Variants in MYO18B observed in about 807,000 individuals in gnomAD.
The protein encoded by MYO18B is myosin XVIIIB, also known as unconventional myosin-XVIIIb.
Under a neutral mutation model 273.0 loss-of-function variants are expected in MYO18B, and 204 were observed. The ratio of observed to expected loss-of-function variants is 0.75; its 90% confidence interval spans 0.67 to 0.84. The LOEUF (loss-of-function observed/expected upper bound fraction) is 0.84. Ranked by LOEUF, MYO18B falls within the 40% of genes least tolerant of loss-of-function variation. The pLI, the probability that MYO18B is intolerant of heterozygous loss-of-function variation, is 0.00. For missense variants in MYO18B, 3,212 were observed against 3,287.6 expected, an observed-to-expected ratio of 0.98 and a Z score of 0.56; for synonymous variants, 1,330 against 1,305.7, an observed-to-expected ratio of 1.02 and a Z score of -0.40.
At chr22:25,799,131 T>TTGTGTGTGTGTG (rs61488241) in intron 12 of MYO18B, among the ~76,000 whole-genome samples, 5,931 of 145,170 alleles carry the variant, frequency 0.041, 184 homozygotes, top group East Asian at 0.073. Context: ...GTGTTTACGT[T>TTGTGTGTGTGTG]TGTGTGTGTG....
chr22:25,831,200 T>C (rs1190585070), intron 15 of MYO18B, among the ~76,000 whole-genome samples: 1 of 152,192 alleles, frequency 6.6e-6, no homozygotes, highest in Admixed American at 6.5e-5. Context: ...CCTCACAGTA[T>C]TACATTATTC....
chr22:25,868,790 G>T (rs1050116183), intron 22 of MYO18B, among the ~76,000 whole-genome samples: 1 of 152,198 alleles, frequency 6.6e-6, no homozygotes, highest in African/African-American at 2.4e-5. Flanking sequence ...CTGATGAGCA[G>T]CAGTAAGGGA....
rs2085648331 is a variant in MYO18B, at chr22:25,742,283, C to T, written c.-120C>T. ...TCGTGGTTCCTGTGATCTGTGTCCTCTTTGCAGAAGGTACTATTGGGCTGG... is the reference window on the plus strand; with the variant it reads ...TCGTGGTTCCTGTGATCTGTGTCCTTTTTGCAGAAGGTACTATTGGGCTGG... On this transcript the variant is annotated 5_prime_UTR_variant, in exon 1 of 44. Transcript: ENST00000335473. 2 of 152,248 alleles carry T rather than the reference C, an allele frequency of 1.3e-5. No individual in the cohort carries two copies. The highest frequency in any genetic ancestry group is 2.9e-5 in the Non-Finnish European group (2 of 68,110). 9.4% of individuals were successfully genotyped at this position (152,248 alleles called of 1,614,324 possible). A position where few individuals can be genotyped will look rare whatever the true frequency, so the allele number is the denominator to read the frequency against.
At chr22:25,788,203 G>C (rs2087484274) in intron 11 of MYO18B, among the ~76,000 whole-genome samples, 1 of 152,168 alleles carries the variant, frequency 6.6e-6, no homozygotes, top group African/African-American at 2.4e-5. Context: ...TGTTTTCTCT[G>C]TTCTTTCAGA....
chr22:25,868,820 G>A (rs902259871), intron 22 of MYO18B, among the ~76,000 whole-genome samples: 1 of 152,210 alleles, frequency 6.6e-6, no homozygotes, highest in Non-Finnish European at 1.5e-5. Context: ...AGGGGCTTGA[G>A]AGGAAAGCCC....
At chr22:26,014,725 CT>C (rs1569296085) in intron 42 of MYO18B, among the ~76,000 whole-genome samples, 1 of 152,226 alleles carries the variant, frequency 6.6e-6, no homozygotes, top group Non-Finnish European at 1.5e-5. Flanking sequence ...CAGCACCTGT[CT>C]TTTTTTGACT....
At chr22:25,919,212 G>C (rs2092305398) in intron 33 of MYO18B, among the ~76,000 whole-genome samples, 1 of 152,034 alleles carries the variant, frequency 6.6e-6, no homozygotes, top group Admixed American at 6.6e-5. Context: ...TTCCATCCCA[G>C]CCTGAGCTGG....
chr22:26,048,512 C>A, the MYO18B span, among the ~76,000 whole-genome samples: 1 of 152,096 alleles, frequency 6.6e-6, no homozygotes, highest in Admixed American at 6.6e-5. Context: ...CCTGTGGGGT[C>A]TTTCTCCATC....
chr22:25,907,013 A>G (rs1046630291), intron 31 of MYO18B, among the ~76,000 whole-genome samples: 1 of 152,204 alleles, frequency 6.6e-6, no homozygotes, highest in Non-Finnish European at 1.5e-5. Context: ...TGAGTTCCAA[A>G]TGCTTTTTCA....
At chr22:25,982,818 A>G (rs1438717666) in intron 39 of MYO18B, among the ~76,000 whole-genome samples, 1 of 152,200 alleles carries the variant, frequency 6.6e-6, no homozygotes, top group Non-Finnish European at 1.5e-5. Flanking sequence ...TTTGCCATAC[A>G]AGGGAACGGA....
chr22:25,871,609 T>C (rs978111107), intron 22 of MYO18B, among the ~76,000 whole-genome samples: 2 of 152,198 alleles, frequency 1.3e-5, no homozygotes, highest in African/African-American at 4.8e-5. Context: ...TGTTACACTC[T>C]GTTTGCATCC....
At chr22:25,805,351 G>A (rs368092779) in intron 12 of MYO18B, among the ~76,000 whole-genome samples, 1 of 152,192 alleles carries the variant, frequency 6.6e-6, no homozygotes, top group Admixed American at 6.5e-5. Context: ...TTCCACTGCA[G>A]CATGCAAAAA....
At chr22:25,966,688 G>A (rs1304796900) in intron 39 of MYO18B, among the ~76,000 whole-genome samples, 3 of 152,148 alleles carry the variant, frequency 2.0e-5, no homozygotes, top group Non-Finnish European at 4.4e-5. Context: ...AGGGGAACCC[G>A]CGGGTATTTC....
chr22:26,000,126 G>A lies in MYO18B; in HGVS notation c.6288-3139G>A, dbSNP rs11912078. Among the ~76,000 whole-genome samples the A allele has an allele frequency of 9.6e-3, 1,469 of 152,346 alleles. 26 individuals carry two copies. The highest frequency in any genetic ancestry group is 0.033 in the African/African-American group (1,392 of 41,584). On this transcript the variant is annotated intron_variant, in intron 40 of 43. Transcript: ENST00000335473. ...AGAAAACAATGAATGGACACCTTAT[G>A]TGTTGGGACAGGGGGTACAGTAGGG...
chr22:25,846,396 G>A, intron 19 of MYO18B, 113 bp downstream of exon 19: 1 of 1,198,016 alleles, frequency 8.3e-7, no homozygotes, highest in Non-Finnish European at 1.2e-6. Flanking sequence ...AAGGCCAGAG[G>A]GGCGAGTGTC....
chr22:25,891,243 A>G (rs1353332648), intron 26 of MYO18B, 61 bp from the exon 27 acceptor site: 12 of 1,242,110 alleles, frequency 9.7e-6, no homozygotes, highest in Non-Finnish European at 1.4e-5. Flanking sequence ...CTTCATGGGT[A>G]AGATGACCAG....
chr22:25,843,720 CA>C lies in MYO18B; in HGVS notation c.3209-14del. The C allele has an allele frequency of 6.2e-7, 1 of 1,608,962 alleles. No individual in the cohort carries two copies. The highest frequency in any genetic ancestry group is 8.5e-7 in the Non-Finnish European group (1 of 1,176,018). On this transcript the variant is annotated splice_polypyrimidine_tract_variant and intron_variant, in intron 17 of 43. Coordinates refer to ENST00000335473, the MANE Select transcript of MYO18B (RefSeq NM_032608.7). Reference sequence around the variant, plus strand: ...CAACAGGCTCCAGCACTCATGCCACCATGTCTGTTTCCAGGGTCCTCTGCCC... The same window carrying C: ...CAACAGGCTCCAGCACTCATGCCACCTGTCTGTTTCCAGGGTCCTCTGCCC...
chr22:26,061,006 T>C, the MYO18B span, among the ~76,000 whole-genome samples: 244 of 118,138 alleles, frequency 2.1e-3, 2 homozygotes, highest in African/African-American at 0.01. Context: ...TGCACACACA[T>C]ACACACACAC....
Position 25,835,406 on chromosome 22 carries a change from G to A in MYO18B, c.3171G>A (p.Leu1057=). The A allele has an allele frequency of 6.2e-7, 1 of 1,613,978 alleles. No individual in the cohort carries two copies. The highest frequency in any genetic ancestry group is 8.5e-7 in the Non-Finnish European group (1 of 1,179,888). Reference sequence around the variant, plus strand: ...GTGACAGTGTGGTGCTCGAGCGTCTGTGTGCTGCTTTCGAGAAGAAAGGAG... The same window carrying A: ...GTGACAGTGTGGTGCTCGAGCGTCTATGTGCTGCTTTCGAGAAGAAAGGAG... ...GSSDSVVLER[L]CAAFEKKGAG... is the part of the protein sequence containing the mutation. Residue 1057 remains leucine, a synonymous_variant, in exon 17 of 44, where the codon CTG becomes CTA. Coordinates refer to ENST00000335473, the MANE Select transcript of MYO18B (RefSeq NM_032608.7).
Sources: gnomAD v4.1 joint callset for allele counts (sites outside exome capture counted in the v4.1 genomes callset) on GRCh38, gnomAD v4.1.1 for gene constraint, MANE v1.5 for transcripts, NCBI Gene and HGNC (gene_info 2026-07-23, HGNC 2026-07-21) for gene names.